BMX: variants seen among roughly 807,000 people sequenced by gnomAD.
BMX encodes the protein BMX non-receptor tyrosine kinase.
In BMX, 31 loss-of-function variants were observed where a neutral mutation model predicts 59.2. The ratio of observed to expected loss-of-function variants is 0.52; its 90% confidence interval spans 0.39 to 0.71. The LOEUF is 0.71. Among genes scored for constraint, BMX ranks in the 30% least tolerant of loss-of-function variants. BMX has a pLI of 0.00. For missense variants in BMX, 474 were observed against 491.7 expected, an observed-to-expected ratio of 0.96 and a Z score of 0.34; for synonymous variants, 185 against 181.0, an observed-to-expected ratio of 1.02 and a Z score of -0.18.
chrX:15,507,261 G>A (rs776749938), intron 1 of BMX: 914 of 649,244 alleles, frequency 1.4e-3, no homozygotes, highest in Non-Finnish European at 1.6e-3. Flanking sequence ...ACTGATGAGT[G>A]GGATGCAAAT....
At chrX:15,528,858 T>C (rs2147122971) in intron 9 of BMX, among the ~76,000 whole-genome samples, 1 of 112,269 alleles carries the variant, frequency 8.9e-6, no homozygotes, top group East Asian at 2.8e-4. Flanking sequence ...TCCTGATTCT[T>C]GATTTTCTTC....
intron 14 of BMX, among the ~76,000 whole-genome samples, chrX:15,538,619 G>A (rs1479099375): frequency 4.5e-5 from 5 of 111,641 alleles, no homozygotes; most frequent in Admixed American, 2.9e-4. Flanking sequence ...TTGTACCATC[G>A]TTATCTTAGA....
At chrX:15,533,337 C>T (rs1199433925) in intron 11 of BMX, among the ~76,000 whole-genome samples, 4 of 111,409 alleles carry the variant, frequency 3.6e-5, no homozygotes, top group Non-Finnish European at 5.7e-5. Context: ...TGCTCTTCTC[C>T]CTCCTCCCAC....
chrX:15,544,522 C>T (rs1234618248), intron 16 of BMX, among the ~76,000 whole-genome samples: 1 of 111,694 alleles, frequency 9.0e-6, no homozygotes, highest in Non-Finnish European at 1.9e-5. Flanking sequence ...ATGCCAGCAT[C>T]CAGGGAACAT....
intron 11 of BMX, among the ~76,000 whole-genome samples, chrX:15,533,729 C>G (rs1023238788): frequency 9.0e-6 from 1 of 111,577 alleles, no homozygotes; most frequent in Non-Finnish European, 1.9e-5. Context: ...TAAAGGACAT[C>G]CTCACCTACT....
At position 15,526,024 on chromosome X, in the gene BMX, T is replaced by C. The variant is rs1006724260; in HGVS notation, c.831-18T>C. ...TTGGTGCTTTTCTGCACTCACGTTT[T>C]TCTCAACTCTTCTTAAGGGAATTCC... On this transcript the variant is annotated intron_variant, in intron 8 of 18. Transcript: ENST00000348343. 8.3e-7 allele frequency: 1 copy of C among 1,200,132 alleles called. No individual in the cohort carries two copies. Among genetic ancestry groups the C allele is most frequent in the Non-Finnish European group, 1.1e-6 (1 of 888,413 alleles).
intron 8 of BMX, 65 bp downstream of exon 8, chrX:15,525,430 A>G: frequency 9.4e-7 from 1 of 1,060,532 alleles, no homozygotes; most frequent in Non-Finnish European, 1.3e-6. Context: ...AACTAACCAA[A>G]CTTGCAATAA....
chrX:15,537,180 G>A lies in BMX; in HGVS notation c.1269G>A (p.Leu423=). Residue 423 remains leucine (L), a synonymous_variant, in exon 14 of 19, where the codon CTG becomes CTA. Coordinates refer to ENST00000348343, the MANE Select transcript of BMX (RefSeq NM_203281.3). ...KREEITLLKE[L]GSGQFGVVQL... ...AAGAGATTACCTTGTTGAAGGAGCT[G>A]GGAAGTGGCCAGTTTGGAGTGGTCC... 1 of 1,210,845 alleles carries A rather than the reference G, an allele frequency of 8.3e-7. No homozygotes were observed. Among genetic ancestry groups the A allele is most frequent in the Non-Finnish European group, 1.1e-6 (1 of 895,118 alleles).
chrX:15,534,650 G>C (rs1013966113), intron 12 of BMX, among the ~76,000 whole-genome samples: 1 of 111,271 alleles, frequency 9.0e-6, no homozygotes, highest in East Asian at 2.8e-4. Flanking sequence ...AAATATTATA[G>C]AAATATATAC....
chrX:15,528,585 G>A (rs1416830618), intron 9 of BMX, among the ~76,000 whole-genome samples: 1 of 110,364 alleles, frequency 9.1e-6, no homozygotes, highest in Non-Finnish European at 1.9e-5. Context: ...TTGAGCCCGG[G>A]AGGTCGAGGC....
chrX:15,530,126 A>G, intron 10 of BMX, 99 bp downstream of exon 10: 2 of 833,519 alleles, frequency 2.4e-6, no homozygotes, highest in Non-Finnish European at 3.5e-6. Context: ...TGCTAATTAT[A>G]TAGTCAAGTC....
intron 16 of BMX, among the ~76,000 whole-genome samples, chrX:15,545,769 A>G (rs926944864): frequency 2.7e-5 from 3 of 110,827 alleles, no homozygotes; most frequent in Non-Finnish European, 5.7e-5. Flanking sequence ...ACGGTCACCT[A>G]ATATTCCTGG....
chrX:15,508,075 C>A (rs746916628), intron 1 of BMX, among the ~76,000 whole-genome samples: 1 of 111,767 alleles, frequency 8.9e-6, no homozygotes, highest in Admixed American at 9.5e-5. Flanking sequence ...GAGAATGGGG[C>A]AAAGATGATG....
intron 16 of BMX, among the ~76,000 whole-genome samples, chrX:15,546,025 G>A (rs57918975): frequency 0.042 from 4,656 of 112,155 alleles, 232 homozygotes; most frequent in African/African-American, 0.13. Context: ...CATATACCAT[G>A]AGCACCTTTT....
At chrX:15,549,769 C>G in intron 17 of BMX, 71 bp from the exon 18 acceptor site, 1 of 1,127,558 alleles carries the variant, frequency 8.9e-7, no homozygotes, top group Non-Finnish European at 1.2e-6. Flanking sequence ...GAAACTCACT[C>G]CACAAACCCT....
chrX:15,510,965 T>C (rs937467787), intron 3 of BMX, among the ~76,000 whole-genome samples: 1 of 112,174 alleles, frequency 8.9e-6, no homozygotes. Context: ...TCAATGTAAG[T>C]ATGAACTGTA....
chrX:15,547,835 G>A (rs1359574378), intron 17 of BMX, among the ~76,000 whole-genome samples: 1 of 111,944 alleles, frequency 8.9e-6, no homozygotes, highest in Admixed American at 9.5e-5. Flanking sequence ...AGAATATCAA[G>A]GCTATTTTCA....
intron 12 of BMX, 30 bp downstream of exon 12, chrX:15,534,369 C>A (rs1398843541): frequency 4.4e-6 from 5 of 1,126,571 alleles, no homozygotes; most frequent in Admixed American, 5.7e-5. Flanking sequence ...CTTTTATGGG[C>A]CCTTGTTGTA....
chrX:15,536,573 T>TA (rs1298697050), intron 13 of BMX, 146 bp downstream of exon 13: 12,638 of 314,231 alleles, frequency 0.04, 20 homozygotes, highest in Non-Finnish European at 0.045. Flanking sequence ...GGATTTTCTT[T>TA]AAAAAAAAAA....
Sources: allele counts gnomAD v4.1 joint callset (sites outside exome capture counted in the v4.1 genomes callset), GRCh38; gene constraint gnomAD v4.1.1; transcripts MANE v1.5; gene names NCBI Gene and HGNC (gene_info 2026-07-23, HGNC 2026-07-21).